The following TRPM4 variants were observed in gnomAD, a reference collection of about 807,000 sequenced individuals.
TRPM4 encodes the protein calcium-activated non-selective cation channel 1.
Under a neutral mutation model 135.6 loss-of-function variants are expected in TRPM4, and 124 were observed. The ratio of observed to expected loss-of-function variants is 0.91; its 90% CI spans 0.79 to 1.06. The LOEUF (loss-of-function observed/expected upper bound fraction) is 1.06. Among genes scored for constraint, TRPM4 ranks in the 50% least tolerant of loss-of-function variants. The pLI, the probability that TRPM4 is intolerant of heterozygous loss-of-function variation, is 0.00. For synonymous variants in TRPM4, 745 were observed against 705.6 expected, an observed-to-expected ratio of 1.06 and a Z score of -0.88; for missense variants, 1,658 against 1,671.4, an observed-to-expected ratio of 0.99 and a Z score of 0.14.
At chr19:49,203,607 C>G (rs1411256229) in intron 20 of TRPM4, among the ~76,000 whole-genome samples, 1 of 152,186 alleles carries the variant, frequency 6.6e-6, no homozygotes, top group Non-Finnish European at 1.5e-5. Flanking sequence ...CCCCATGAAA[C>G]AGCAACTCCC....
chr19:49,176,630 T>C (rs1201689660), intron 9 of TRPM4, among the ~76,000 whole-genome samples: 2 of 152,094 alleles, frequency 1.3e-5, no homozygotes, highest in African/African-American at 4.8e-5. Context: ...TGAGGTAGGA[T>C]CACTTGAGGT....
Position 49,158,198 on chromosome 19 carries a change from A to G in TRPM4, c.31A>G (p.Ile11Val), listed in dbSNP as rs1396348949. Residue 11 changes from isoleucine (I) to valine (V), a missense_variant, in exon 2 of 25, where the codon ATC becomes GTC. Ile to Val is a conservative substitution (Grantham distance 29). This residue lies in a region of TRPM4 where 239 missense variants were observed against 240.1 expected (regional missense o/e 1.00). Coordinates refer to ENST00000252826, the MANE Select transcript of TRPM4 (RefSeq NM_017636.4). ...CATTTGTTCCTGTCCCCAGAGCTGGATCCCCAAGATCTTCAAGAAGAAGAC... is the reference window on the plus strand; with the variant it reads ...CATTTGTTCCTGTCCCCAGAGCTGGGTCCCCAAGATCTTCAAGAAGAAGAC... MVVPEKEQSW[I>V]PKIFKKKTCT... 5 of 1,613,638 alleles carry G rather than the reference A, an allele frequency of 3.1e-6. No individual in the cohort carries two copies. In the African/African-American group the frequency reaches 4.0e-5, roughly 13 times the overall value.
chr19:49,196,592 T>G lies in TRPM4; in HGVS notation c.2363T>G (p.Val788Gly). ...APVTIFMGNVVSYLLFLLLFS... is the reference protein window; with the variant it reads ...APVTIFMGNVGSYLLFLLLFS... ...GTGACCATCTTCATGGGCAACGTGG[T>G]CAGCTACCTGCTGTTCCTGCTGCTT... is the stretch of plus-strand genomic sequence containing the variant. Residue 788 changes from valine (V) to glycine (G), a missense_variant, in exon 17 of 25, where the codon GTC (valine) becomes GGC (glycine). Transcript: ENST00000252826. The G allele has an allele frequency of 2.6e-6, 4 of 1,557,422 alleles. No individual in the cohort carries two copies. The highest frequency in any genetic ancestry group is 3.5e-6 in the Non-Finnish European group (4 of 1,153,796).
chr19:49,184,452 C>CTTTTTTTT lies in TRPM4; in HGVS notation c.1743+1259_1743+1266dup, dbSNP rs67748057. Among the ~76,000 whole-genome samples the CTTTTTTTT allele has an allele frequency of 4.2e-4, 19 of 45,508 alleles. 6 individuals carry two copies. The highest frequency in any genetic ancestry group is 1.6e-3 in the African/African-American group (15 of 9,520). 29.9% of individuals were successfully genotyped at this position (45,508 alleles called of 152,430 possible). A position where few individuals can be genotyped will look rare whatever the true frequency, so the allele number is the denominator to read the frequency against. ...TTTGGTTCATTTCTGTCTCTGTAGT[C>CTTTTTTTT]TTTTTTTTTTTTTTTTTTTTTTTTT... On this transcript the variant is annotated intron_variant, in intron 12 of 24. Coordinates refer to ENST00000252826, the MANE Select transcript of TRPM4 (RefSeq NM_017636.4).
In TRPM4 at chr19:49,181,598, C is replaced by T. The variant is rs978477402; in HGVS notation, c.1263+137C>T. On this transcript the variant is annotated intron_variant, in intron 10 of 24. Coordinates refer to ENST00000252826, the MANE Select transcript of TRPM4 (RefSeq NM_017636.4). ...CCAGCCTGGAGTGCAGAGGTGTGAT[C>T]CCAGCTCACTGCAAGCTCCGCCACC... The T allele has an allele frequency of 4.1e-5, 26 of 639,056 alleles. No individual in the cohort carries two copies. In the Admixed American group the frequency reaches 7.6e-4, roughly 19 times the overall value. 39.6% of individuals were successfully genotyped at this position (639,056 alleles called of 1,614,324 possible).
chr19:49,167,491 C>T (rs1433788202), intron 3 of TRPM4, among the ~76,000 whole-genome samples: 1 of 122,062 alleles, frequency 8.2e-6, no homozygotes, highest in Admixed American at 7.5e-5. Flanking sequence ...CTCTGTCCCT[C>T]TCTCTCTGGG....
intron 12 of TRPM4, 77 bp downstream of exon 12, chr19:49,183,289 A>T (rs1968071416): frequency 6.3e-7 from 1 of 1,596,050 alleles, no homozygotes; most frequent in East Asian, 2.2e-5. Context: ...CAATTACCAT[A>T]CAATTCCCCG....
At chr19:49,190,426 T>A in intron 15 of TRPM4, 106 bp downstream of exon 15, 2 of 1,066,490 alleles carry the variant, frequency 1.9e-6, no homozygotes, top group Non-Finnish European at 2.8e-6. Flanking sequence ...ATTGTGTCCC[T>A]TCCCTAGGAA....
intron 2 of TRPM4, among the ~76,000 whole-genome samples, chr19:49,163,047 C>T (rs1447318611): frequency 6.6e-6 from 1 of 151,890 alleles, no homozygotes; most frequent in African/African-American, 2.4e-5. Flanking sequence ...CAGGCATGAA[C>T]CACTGCACTT....
At position 49,157,812 on chromosome 19, in the gene TRPM4, G is replaced by C. The variant is rs1190969942; in HGVS notation, c.-55G>C. Reference sequence around the variant, plus strand: ...TCTGGGCGGGTCTGGAAGCAGAGCCGGCGGAGGGAGCGCCGGGGCCCTGGG... The same window carrying C: ...TCTGGGCGGGTCTGGAAGCAGAGCCCGCGGAGGGAGCGCCGGGGCCCTGGG... On this transcript the variant is annotated 5_prime_UTR_variant, in exon 1 of 25. Transcript: ENST00000252826. The C allele has an allele frequency of 4.6e-6, 7 of 1,533,230 alleles. No individual in the cohort carries two copies. Among genetic ancestry groups the C allele is most frequent in the East Asian group, 2.4e-5 (1 of 40,886 alleles). 95.0% of individuals were successfully genotyped at this position (1,533,230 alleles called of 1,614,324 possible).
chr19:49,202,740 T>C (rs1295231351), intron 20 of TRPM4, among the ~76,000 whole-genome samples: 1 of 152,070 alleles, frequency 6.6e-6, no homozygotes, highest in Non-Finnish European at 1.5e-5. Flanking sequence ...GGTTTCACCA[T>C]GTTGGCCTTG....
intron 16 of TRPM4, 60 bp downstream of exon 16, chr19:49,190,833 G>A (rs1600483474): frequency 6.7e-7 from 1 of 1,495,746 alleles, no homozygotes. Flanking sequence ...CAGGACATGT[G>A]CCAGTTCCAC....
chr19:49,180,075 C>T (rs1967858049), intron 9 of TRPM4, among the ~76,000 whole-genome samples: 1 of 152,198 alleles, frequency 6.6e-6, no homozygotes, highest in African/African-American at 2.4e-5. Context: ...TTGCTCACCT[C>T]CACTACATGA....
chr19:49,195,809 C>T (rs746356365), intron 16 of TRPM4, among the ~76,000 whole-genome samples: 41 of 151,158 alleles, frequency 2.7e-4, no homozygotes, highest in Non-Finnish European at 1.5e-4. Flanking sequence ...TCAGCCTCCC[C>T]AGTAGCTGGG....
chr19:49,166,265 TC>T (rs1568456945), intron 3 of TRPM4, 50 bp downstream of exon 3: 1 of 1,535,788 alleles, frequency 6.5e-7, no homozygotes, highest in Admixed American at 2.0e-5. Flanking sequence ...GGCTGCATGC[TC>T]GGGGCTCCAG....
intron 5 of TRPM4, 29 bp from the exon 6 acceptor site, chr19:49,168,524 A>T: frequency 6.2e-7 from 1 of 1,613,462 alleles, no homozygotes; most frequent in Non-Finnish European, 8.5e-7. Flanking sequence ...CGATGAGGAG[A>T]CGCCCTGGTC....
Position 49,171,289 on chromosome 19 carries a change from G to A in TRPM4, c.797-68G>A. On this transcript the variant is annotated intron_variant, in intron 6 of 24. Coordinates refer to ENST00000252826, the MANE Select transcript of TRPM4 (RefSeq NM_017636.4). The surrounding 1 kb of genome is among the most constrained non-coding windows in gnomAD (Gnocchi z 4.7). Reference sequence around the variant, plus strand: ...TGATGTTTGCCGACTCCTGGGAAATGCGGTTTTCTCCTATCTCCAGCAAAG... The same window carrying A: ...TGATGTTTGCCGACTCCTGGGAAATACGGTTTTCTCCTATCTCCAGCAAAG... The A allele has an allele frequency of 6.4e-7, 1 of 1,560,576 alleles. No homozygotes were observed. The highest frequency in any genetic ancestry group is 8.8e-7 in the Non-Finnish European group (1 of 1,131,186).
At position 49,183,292 on chromosome 19, in the gene TRPM4, A is replaced by G. The variant is rs1968071744; in HGVS notation, c.1743+80A>G. 4 of 1,590,014 alleles carry G rather than the reference A, an allele frequency of 2.5e-6. No individual in the cohort carries two copies. In the African/African-American group the frequency reaches 4.0e-5, roughly 16 times the overall value. The stretch of plus-strand genomic sequence containing the variant: ...GTGTTCCCGAAACAATTACCATACA[A>G]TTCCCCGACCCCTGACGTCACCTGA... On this transcript the variant is annotated intron_variant, in intron 12 of 24. Coordinates refer to ENST00000252826, the MANE Select transcript of TRPM4 (RefSeq NM_017636.4).
intron 2 of TRPM4, among the ~76,000 whole-genome samples, chr19:49,164,383 T>G (rs1967093642): frequency 8.8e-6 from 1 of 113,606 alleles, no homozygotes; most frequent in African/African-American, 3.4e-5. Context: ...TTTTTTTTTT[T>G]TTTTTTTTTT....
Sources: gnomAD v4.1 joint callset for allele counts (sites outside exome capture counted in the v4.1 genomes callset) on GRCh38, gnomAD v4.1.1 for gene constraint, gnomAD v4.1.1 regional missense constraint, Gnocchi (gnomAD v3.1) non-coding constraint, MANE v1.5 for transcripts, NCBI Gene and HGNC (gene_info 2026-07-23, HGNC 2026-07-21) for gene names.